Variants in CYP4F22 observed in about 807,000 individuals in gnomAD.
CYP4F22 encodes the protein ultra-long-chain fatty acid omega-hydroxylase.
A neutral mutation model predicts 60.4 loss-of-function variants in CYP4F22; 37 were observed. The observed-to-expected ratio is 0.61, with a 90% CI of 0.47 to 0.81. The LOEUF (loss-of-function observed/expected upper bound fraction) is 0.81. CYP4F22 is among the 30% of genes least tolerant of loss of function. The probability of loss-of-function intolerance (pLI) is 0.00; values close to 1 mark genes in which losing one functional copy is unlikely to be tolerated. For missense variants in CYP4F22, 655 were observed against 715.0 expected, an observed-to-expected ratio of 0.92 and a Z score of 0.96; for synonymous variants, 258 against 280.5, an observed-to-expected ratio of 0.92 and a Z score of 0.80.
chr19:15,544,840 C>T (rs1371001944), intron 10 of CYP4F22, among the ~76,000 whole-genome samples: 1 of 151,802 alleles, frequency 6.6e-6, no homozygotes, highest in Non-Finnish European at 1.5e-5. Context: ...GTGGGTGGAT[C>T]ACCTGAGATC....
chr19:15,540,401 C>T, intron 7 of CYP4F22, 49 bp from the exon 8 acceptor site: 1 of 1,613,142 alleles, frequency 6.2e-7, no homozygotes, highest in South Asian at 1.1e-5. Flanking sequence ...CAGGGCTGTG[C>T]TATGCTAGGG....
chr19:15,532,347 TC>T (rs957946849), intron 4 of CYP4F22, among the ~76,000 whole-genome samples: 1 of 144,510 alleles, frequency 6.9e-6, no homozygotes, highest in Non-Finnish European at 1.5e-5. Flanking sequence ...CTCCTCCCCA[TC>T]CCCCTCCTCC....
rs1555725990 is a variant in CYP4F22 at position 15,509,922 on chromosome 19, C to CTTCCTTCT, written c.-109+1342_-109+1343insCTTCTTTC. Among the ~76,000 whole-genome samples, 75 of 115,584 alleles carry CTTCCTTCT rather than the reference C, an allele frequency of 6.5e-4. 1 individual carries two copies. Among genetic ancestry groups the CTTCCTTCT allele is most frequent in the Middle Eastern group, 8.8e-3 (2 of 226 alleles). 75.8% of individuals were successfully genotyped at this position (115,584 alleles called of 152,430 possible). On this transcript the variant is annotated intron_variant, in intron 1 of 13. Transcript: ENST00000269703. Reference sequence around the variant, plus strand: ...CTTCCTTCCTTTCTTTCTTTCCTTCCTTCTTTCTTTCTTTCTTTCTTTCTT... The same window carrying CTTCCTTCT: ...CTTCCTTCCTTTCTTTCTTTCCTTCCTTCCTTCTTTCTTTCTTTCTTTCTTTCTTTCTT...
At chr19:15,516,396 C>T (rs1222740458) in intron 1 of CYP4F22, among the ~76,000 whole-genome samples, 6 of 152,148 alleles carry the variant, frequency 3.9e-5, no homozygotes, top group Non-Finnish European at 8.8e-5. Context: ...ATTAGCCAGT[C>T]AGGTTTAATT....
intron 1 of CYP4F22, among the ~76,000 whole-genome samples, chr19:15,513,283 C>T (rs1333356600): frequency 1.3e-5 from 2 of 151,454 alleles, no homozygotes; most frequent in South Asian, 2.1e-4. Context: ...TCAAGCGATT[C>T]TCCTGCCTCA....
intron 7 of CYP4F22, among the ~76,000 whole-genome samples, chr19:15,539,645 T>A (rs1019105176): frequency 2.0e-5 from 3 of 152,228 alleles, no homozygotes; most frequent in Non-Finnish European, 4.4e-5. Context: ...TGGTATGAAG[T>A]GGTTGTACCA....
At chr19:15,536,646 A>G (rs1971397909) in intron 4 of CYP4F22, among the ~76,000 whole-genome samples, 1 of 152,174 alleles carries the variant, frequency 6.6e-6, no homozygotes, top group Non-Finnish European at 1.5e-5. Flanking sequence ...GATTAGGGGA[A>G]GACTCAGGTG....
rs371097842 is a variant in CYP4F22, at chr19:15,537,981, G to A, written c.659G>A (p.Ser220Asn). The change falls in exon 7 of 14, where the codon AGC (serine) becomes AAC (asparagine). Residue 220 changes from serine to asparagine, a missense_variant. Physicochemically the swap from Ser to Asn is conservative, Grantham distance 46. Transcript: ENST00000269703. Reference sequence around the variant, plus strand: ...CAGAAATGTGTCTTCAGCTACAACAGCAACTGCCAAGAGTGAGTGTGACCC... The same window carrying A: ...CAGAAATGTGTCTTCAGCTACAACAACAACTGCCAAGAGTGAGTGTGACCC... ...SLQKCVFSYN[S>N]NCQEKMSDYI... 1 of 1,614,110 alleles carries A rather than the reference G, an allele frequency of 6.2e-7. No homozygotes were observed. The highest frequency in any genetic ancestry group is 1.1e-5 in the South Asian group (1 of 91,078).
intron 1 of CYP4F22, among the ~76,000 whole-genome samples, chr19:15,519,957 A>G (rs1488995511): frequency 1.3e-5 from 2 of 152,186 alleles, no homozygotes; most frequent in African/African-American, 2.4e-5. Flanking sequence ...CACATAGCCA[A>G]TTGGTGAGGA....
Position 15,548,121 on chromosome 19 carries a change from C to T in CYP4F22, c.1150C>T (p.Gln384Ter), listed in dbSNP as rs751985553. The T allele has an allele frequency of 1.2e-6, 2 of 1,613,708 alleles. No homozygotes were observed. Among genetic ancestry groups the T allele is most frequent in the Non-Finnish European group, 1.7e-6 (2 of 1,179,946 alleles). ...CATTCTCCCCAGGGACGATCTGACT[C>T]AGCTGCCCTTTACAACTATGTGCAT... Reference protein sequence around the residue: ...LEELEWDDLTQLPFTTMCIKE... With the variant: ...LEELEWDDLT The change falls in exon 11 of 14, where the codon CAG becomes TAG. Residue 384 changes from glutamine (Q) to a stop codon, truncating the protein, a stop_gained. Transcript: ENST00000269703. LOFTEE classifies it high-confidence loss of function.
chr19:15,517,176 T>C (rs184064988), intron 1 of CYP4F22, among the ~76,000 whole-genome samples: 1 of 151,972 alleles, frequency 6.6e-6, no homozygotes, highest in Admixed American at 6.6e-5. Flanking sequence ...TTTTTGTGGG[T>C]GCCAGACAGA....
intron 4 of CYP4F22, among the ~76,000 whole-genome samples, chr19:15,531,776 T>C (rs776320692): frequency 3.9e-5 from 6 of 152,042 alleles, no homozygotes; most frequent in Non-Finnish European, 7.4e-5. Context: ...TTTTGATCTG[T>C]AAAATGGGTG....
At position 15,538,004 on chromosome 19, in the gene CYP4F22, C is replaced by T; in HGVS notation, c.671+11C>T. 1 of 1,614,040 alleles carries T rather than the reference C, an allele frequency of 6.2e-7. No individual in the cohort carries two copies. Among genetic ancestry groups the T allele is most frequent in the African/African-American group, 1.3e-5 (1 of 75,038 alleles). On this transcript the variant is annotated intron_variant, in intron 7 of 13. Coordinates refer to ENST00000269703, the MANE Select transcript of CYP4F22 (RefSeq NM_173483.4). ...CAGCAACTGCCAAGAGTGAGTGTGA[C>T]CCTTCTTGGGAAGATGGAGCCAGCT...
chr19:15,520,680 C>T (rs1255186989), intron 1 of CYP4F22, among the ~76,000 whole-genome samples: 3 of 147,458 alleles, frequency 2.0e-5, no homozygotes, highest in African/African-American at 2.5e-5. Flanking sequence ...CTCCGCCTCC[C>T]AAGTTCAAGC....
intron 1 of CYP4F22, among the ~76,000 whole-genome samples, chr19:15,521,398 A>AT (rs1971223722): frequency 6.6e-6 from 1 of 151,492 alleles, no homozygotes; most frequent in Admixed American, 6.6e-5. Flanking sequence ...CACCTGGCTA[A>AT]TTTTTTGTAT....
chr19:15,552,094 C>G lies in CYP4F22; in HGVS notation c.*623C>G, dbSNP rs2144552154. On this transcript the variant is annotated 3_prime_UTR_variant, in exon 14 of 14. Transcript: ENST00000269703. ...TTGTAAACTCAGACCCTTGTAAGCC[C>G]CTTCCTTCCTCCCTTGCCCAAAGAT... 1 of 152,732 alleles carries G rather than the reference C, an allele frequency of 6.5e-6. No homozygotes were observed. Among genetic ancestry groups the G allele is most frequent in the African/African-American group, 2.4e-5 (1 of 41,558 alleles). The allele number at this position is 152,732 out of a possible 1,614,324, so 9.5% of individuals were successfully genotyped here. A position where few individuals can be genotyped will look rare whatever the true frequency, so the allele number is the denominator to read the frequency against.
chr19:15,526,039 C>A (rs1331172295), intron 3 of CYP4F22, among the ~76,000 whole-genome samples: 1 of 151,878 alleles, frequency 6.6e-6, no homozygotes, highest in East Asian at 1.9e-4. Context: ...GTGGCACACA[C>A]CTGTAATCCC....
In CYP4F22 at chr19:15,544,305, G is replaced by A. The variant is rs760773807; in HGVS notation, c.1136+26G>A. ...GTGAGTGTGGGGTCAGGGGAATGGAGGGGGCAGGTTGAGGCCAGAGCCTTG... is the reference window on the plus strand; with the variant it reads ...GTGAGTGTGGGGTCAGGGGAATGGAAGGGGCAGGTTGAGGCCAGAGCCTTG... On this transcript the variant is annotated intron_variant, in intron 10 of 13. Coordinates refer to ENST00000269703, the MANE Select transcript of CYP4F22 (RefSeq NM_173483.4). 5 of 1,609,278 alleles carry A rather than the reference G, an allele frequency of 3.1e-6. No homozygotes were observed. The South Asian group carries it at 3.3e-5, about 11-fold the overall frequency.
At chr19:15,537,104 GC>G (rs1173249125) in intron 4 of CYP4F22, among the ~76,000 whole-genome samples, 2 of 152,124 alleles carry the variant, frequency 1.3e-5, no homozygotes, top group Non-Finnish European at 2.9e-5. Flanking sequence ...TTCGAGACCA[GC>G]CTGGCCAACA....
Sources: gnomAD v4.1 joint callset for allele counts (sites outside exome capture counted in the v4.1 genomes callset) on GRCh38, gnomAD v4.1.1 for gene constraint, MANE v1.5 for transcripts, NCBI Gene and HGNC (gene_info 2026-07-23, HGNC 2026-07-21) for gene names.